Variants in TNKS observed in about 807,000 individuals in gnomAD.
The protein encoded by TNKS is tankyrase.
A neutral mutation model predicts 135.8 loss-of-function variants in TNKS; 72 were observed. The observed-to-expected ratio is 0.53, with a 90% CI of 0.44 to 0.64. TNKS has a LOEUF of 0.64. Among genes scored for constraint, TNKS ranks in the 30% least tolerant of loss-of-function variants. The pLI is 0.00. For missense variants in TNKS, 1,769 were observed against 1,674.0 expected, an observed-to-expected ratio of 1.06 and a Z score of -0.99; for synonymous variants, 849 against 649.3, an observed-to-expected ratio of 1.31 and a Z score of -4.68.
At chr8:9,559,709 G>C (rs559562486) in intron 1 of TNKS, among the ~76,000 whole-genome samples, 1 of 152,058 alleles carries the variant, frequency 6.6e-6, no homozygotes, top group South Asian at 2.1e-4. Flanking sequence ...TGTGGTATTT[G>C]GAAATCATTT....
In TNKS at chr8:9,765,680, T is replaced by G; in HGVS notation, c.3448-12T>G. On this transcript the variant is annotated splice_polypyrimidine_tract_variant and intron_variant, in intron 23 of 26. Transcript: ENST00000310430. The stretch of plus-strand genomic sequence containing the variant: ...TTCACCGATAATGTTTCTTTCTTCT[T>G]CATCCTTAAAGATTCAAAAAGTTGT... 1 of 1,605,232 alleles carries G rather than the reference T, an allele frequency of 6.2e-7. No homozygotes were observed. The highest frequency in any genetic ancestry group is 8.5e-7 in the Non-Finnish European group (1 of 1,172,718).
chr8:9,710,259 T>A (rs767404002), intron 11 of TNKS, 39 bp downstream of exon 11: 30 of 1,593,186 alleles, frequency 1.9e-5, no homozygotes, highest in Non-Finnish European at 4.3e-6. Flanking sequence ...GACTCAGCAC[T>A]GAGCAGCCAG....
chr8:9,719,334 CA>C (rs1237165843), intron 11 of TNKS, among the ~76,000 whole-genome samples: 1 of 152,018 alleles, frequency 6.6e-6, no homozygotes, highest in Non-Finnish European at 1.5e-5. Flanking sequence ...CAAATATTTT[CA>C]ATAATCAACC....
At chr8:9,671,220 T>G (rs564755038) in intron 3 of TNKS, 1 of 152,196 alleles carries the variant, frequency 6.6e-6, no homozygotes, top group African/African-American at 2.4e-5. Context: ...CAGATACTTA[T>G]GATATAACCC....
intron 21 of TNKS, among the ~76,000 whole-genome samples, chr8:9,762,545 G>A (rs1171019757): frequency 6.6e-6 from 1 of 152,006 alleles, no homozygotes; most frequent in Non-Finnish European, 1.5e-5. Context: ...GTATGTTCAT[G>A]ATAGAGTTTA....
intron 2 of TNKS, among the ~76,000 whole-genome samples, chr8:9,610,110 G>C (rs189116374): frequency 3.0e-4 from 46 of 152,216 alleles, no homozygotes; most frequent in Middle Eastern, 3.4e-3. Flanking sequence ...GCTCACCTCA[G>C]CCTTCCAAAG....
chr8:9,627,596 T>G (rs912575598), intron 3 of TNKS, among the ~76,000 whole-genome samples: 8 of 149,008 alleles, frequency 5.4e-5, no homozygotes, highest in Non-Finnish European at 1.2e-4. Context: ...TGCTTGGTGT[T>G]TGGGGAAAAC....
chr8:9,721,985 G>A (rs1399442624), intron 12 of TNKS, among the ~76,000 whole-genome samples: 2 of 151,444 alleles, frequency 1.3e-5, no homozygotes, highest in Admixed American at 6.6e-5. Flanking sequence ...CCTAGGAGAC[G>A]GAGGTTGCAG....
At chr8:9,578,831 C>T (rs1233403948) in intron 1 of TNKS, among the ~76,000 whole-genome samples, 1 of 152,146 alleles carries the variant, frequency 6.6e-6, no homozygotes, top group African/African-American at 2.4e-5. Context: ...GGGAAAGAAT[C>T]ATTAATTAAG....
intron 5 of TNKS, among the ~76,000 whole-genome samples, chr8:9,688,822 G>A (rs1014429016): frequency 6.6e-6 from 1 of 152,114 alleles, no homozygotes; most frequent in Non-Finnish European, 1.5e-5. Context: ...TGTATTTTTA[G>A]TAGAGATGGC....
rs1393218717 is a variant in TNKS, at chr8:9,752,557, C to G, written c.3084C>G (p.Asp1028Glu). Residue 1028 changes from aspartate to glutamate, a missense_variant, in exon 20 of 27, where the codon GAC becomes GAG. Around this residue, in one of 5 missense-constraint regions of TNKS, gnomAD observed 722 missense variants for 688.9 expected, o/e 1.05. Coordinates refer to ENST00000310430, the MANE Select transcript of TNKS (RefSeq NM_003747.3). Reference sequence around the variant, plus strand: ...TTTCTGTTTTAGTTGCTGGTCTTGACATGAATATCAGCCAATTTCTAAAAA... The same window carrying G: ...TTTCTGTTTTAGTTGCTGGTCTTGAGATGAATATCAGCCAATTTCTAAAAA... ...ERKEGEVAGL[D>E]MNISQFLKSL... 5 of 1,612,376 alleles carry G rather than the reference C, an allele frequency of 3.1e-6. No individual in the cohort carries two copies. Among genetic ancestry groups the G allele is most frequent in the Non-Finnish European group, 4.2e-6 (5 of 1,179,054 alleles).
intron 3 of TNKS, among the ~76,000 whole-genome samples, chr8:9,657,907 T>G (rs1258671186): frequency 4.7e-5 from 4 of 85,614 alleles, no homozygotes; most frequent in South Asian, 5.2e-4. Context: ...AGGCAGAGGG[T>G]CTCCTCACTT....
Position 9,584,031 on chromosome 8 carries a change from G to A in TNKS, c.898+3648G>A, listed in dbSNP as rs181435216. Among the ~76,000 whole-genome samples the A allele has an allele frequency of 5.5e-3, 833 of 151,772 alleles. 12 individuals are homozygous for A. Among genetic ancestry groups the A allele is most frequent in the African/African-American group, 0.019 (791 of 41,404 alleles). On this transcript the variant is annotated intron_variant, in intron 2 of 26. Transcript: ENST00000310430. ...TACAAAAAATTAGCCGGGCGTGGTG[G>A]TGGGCGCCTGTAGTCCCAGCTACTG...
chr8:9,732,405 G>T (rs913027570), intron 14 of TNKS, among the ~76,000 whole-genome samples: 2 of 152,042 alleles, frequency 1.3e-5, no homozygotes, highest in Non-Finnish European at 2.9e-5. Flanking sequence ...ACATACAAGT[G>T]CACAGTAGAA....
intron 22 of TNKS, 54 bp from the exon 23 acceptor site, chr8:9,764,662 G>T (rs1807328621): frequency 7.1e-7 from 1 of 1,406,112 alleles, no homozygotes; most frequent in Middle Eastern, 1.8e-4. Context: ...ACTCATCATT[G>T]TCTAGAATTA....
At chr8:9,714,543 A>G (rs1429520200) in intron 11 of TNKS, among the ~76,000 whole-genome samples, 5 of 152,188 alleles carry the variant, frequency 3.3e-5, no homozygotes, top group Non-Finnish European at 7.3e-5. Flanking sequence ...CACTAACTCC[A>G]TAAATATTGG....
intron 5 of TNKS, among the ~76,000 whole-genome samples, chr8:9,688,399 A>G (rs1478095657): frequency 1.3e-5 from 2 of 152,242 alleles, no homozygotes; most frequent in Non-Finnish European, 2.9e-5. Flanking sequence ...AATTATCTGT[A>G]ACTTTGAATT....
chr8:9,686,788 T>G (rs960777342), intron 5 of TNKS, among the ~76,000 whole-genome samples: 1 of 152,176 alleles, frequency 6.6e-6, no homozygotes, highest in African/African-American at 2.4e-5. Context: ...CTAGAAGATC[T>G]GATTTTAAGT....
intron 2 of TNKS, among the ~76,000 whole-genome samples, chr8:9,584,628 T>C (rs1385998748): frequency 2.0e-5 from 3 of 152,220 alleles, no homozygotes; most frequent in African/African-American, 7.2e-5. Context: ...GTATAATTGA[T>C]AACAGAGATC....
Sources: gnomAD v4.1 joint callset for allele counts (sites outside exome capture counted in the v4.1 genomes callset) on GRCh38, gnomAD v4.1.1 for gene constraint, gnomAD v4.1.1 regional missense constraint, MANE v1.5 for transcripts, NCBI Gene and HGNC (gene_info 2026-07-23, HGNC 2026-07-21) for gene names.